The following ITPR1 variants were observed in gnomAD, a reference collection of about 807,000 sequenced individuals.
The protein encoded by ITPR1 is inositol 1,4,5-trisphosphate receptor type 1.
Under a neutral mutation model 318.4 loss-of-function variants are expected in ITPR1, and 96 were observed. The observed-to-expected ratio is 0.30, with a 90% CI of 0.26 to 0.36. The LOEUF is 0.36. Among genes scored for constraint, ITPR1 ranks in the 10% least tolerant of loss-of-function variants. The probability of loss-of-function intolerance (pLI) is 1.00; values close to 1 mark genes in which losing one functional copy is unlikely to be tolerated. For synonymous variants in ITPR1, 1,312 were observed against 1,289.9 expected (o/e 1.02, Z -0.37); for missense variants, 2,440 against 3,460.2 (o/e 0.71, Z 7.40).
intron 7 of ITPR1, 106 bp downstream of exon 7, chr3:4,642,357 T>A: frequency 1.2e-6 from 1 of 850,634 alleles, no homozygotes; most frequent in Non-Finnish European, 1.6e-6. Context: ...CAGAGGCTTG[T>A]CCTGTGTAAA....
chr3:4,673,364 T>A lies in ITPR1; in HGVS notation c.2433T>A (p.Ile811=), dbSNP rs145220403. ...AATATGCCCGCCTCTGGTCGGAGAT[T>A]CCCTCGGAGATCGCCATTGACGAGT... ...PVKYARLWSE[I]PSEIAIDDYD... Residue 811 remains isoleucine, a synonymous_variant, in exon 21 of 62, where the codon ATT becomes ATA. Coordinates refer to ENST00000649015, the MANE Select transcript of ITPR1 (RefSeq NM_001378452.1). 2.0e-3 allele frequency: 3,179 copies of A among 1,609,630 alleles called. 38 individuals carry two copies. In the African/African-American group the frequency reaches 0.029, roughly 14 times the overall value.
Position 4,824,378 on chromosome 3 carries a change from C to T in ITPR1, c.8028+6136C>T, listed in dbSNP as rs548398067. On this transcript the variant is annotated intron_variant, in intron 60 of 61. Transcript: ENST00000649015. ...ATGGGAACCTAAAGCTCAGGAAGGTCGAGCAACTTTTGCAGGGTCGCGGCG... is the reference window on the plus strand; with the variant it reads ...ATGGGAACCTAAAGCTCAGGAAGGTTGAGCAACTTTTGCAGGGTCGCGGCG... 5.9e-5 allele frequency among the ~76,000 whole-genome samples: 9 copies of T among 152,270 alleles called. No individual in the cohort carries two copies. In the South Asian group the frequency reaches 1.2e-3, roughly 21 times the overall value.
At chr3:4,529,867 G>C (rs962726856) in intron 4 of ITPR1, among the ~76,000 whole-genome samples, 3 of 152,098 alleles carry the variant, frequency 2.0e-5, no homozygotes, top group Middle Eastern at 3.2e-3. Context: ...AACCCCATAA[G>C]TAAGACCGGT....
rs1286199522 is a variant in ITPR1, at chr3:4,779,547, T to A, written c.6292-3T>A. On this transcript the variant is annotated splice_region_variant and splice_polypyrimidine_tract_variant and intron_variant, in intron 48 of 61. Transcript: ENST00000649015. The surrounding 1 kb of genome is among the most constrained non-coding windows in gnomAD (Gnocchi z 4.0). The stretch of plus-strand genomic sequence containing the variant: ...TTTCCTCTCCCTTTGTTTCTCCAAC[T>A]AGAACAATGCCTCGAAGTTGCTCCT... The A allele has an allele frequency of 6.2e-7, 1 of 1,609,904 alleles. No individual in the cohort carries two copies. Among genetic ancestry groups the A allele is most frequent in the East Asian group, 2.2e-5 (1 of 44,772 alleles).
chr3:4,508,250 G>A (rs954908249), intron 2 of ITPR1, among the ~76,000 whole-genome samples: 3 of 152,140 alleles, frequency 2.0e-5, no homozygotes, highest in Non-Finnish European at 4.4e-5. Context: ...TTGCCTTTGT[G>A]TCTTGGTAAA....
At chr3:4,701,687 T>C (rs757366228) in intron 35 of ITPR1, among the ~76,000 whole-genome samples, 6 of 152,240 alleles carry the variant, frequency 3.9e-5, no homozygotes, top group African/African-American at 1.2e-4. Context: ...ATAATTTCTT[T>C]TATCCTTGCT....
intron 4 of ITPR1, among the ~76,000 whole-genome samples, chr3:4,616,494 G>C (rs1321058242): frequency 1.3e-5 from 2 of 152,104 alleles, no homozygotes. Context: ...TCAAAAACAG[G>C]AAAAGATATG....
chr3:4,645,537 T>A (rs770767734), intron 9 of ITPR1, 45 bp from the exon 10 acceptor site: 6 of 1,608,368 alleles, frequency 3.7e-6, no homozygotes, highest in Non-Finnish European at 5.1e-6. Flanking sequence ...CTAATTCTCT[T>A]TTTAAATTCT....
chr3:4,711,374 A>T (rs565467751), intron 38 of ITPR1, among the ~76,000 whole-genome samples: 21 of 152,072 alleles, frequency 1.4e-4, no homozygotes, highest in Middle Eastern at 3.4e-3. Flanking sequence ...CATCATCCTC[A>T]TGAGTTGTTT....
At chr3:4,741,115 T>A (rs960616217) in intron 44 of ITPR1, among the ~76,000 whole-genome samples, 1 of 152,182 alleles carries the variant, frequency 6.6e-6, no homozygotes, top group Non-Finnish European at 1.5e-5. Flanking sequence ...TGGGGGAAGT[T>A]CCCTTCGCTT....
At chr3:4,829,441 T>TA (rs111767797) in intron 60 of ITPR1, among the ~76,000 whole-genome samples, 6,317 of 151,908 alleles carry the variant, frequency 0.042, 457 homozygotes, top group African/African-American at 0.14. Flanking sequence ...ATCCCATTTT[T>TA]AAAAAATTAA....
rs2043045043 is a variant in ITPR1 at position 4,733,165 on chromosome 3, C to G, written c.5298C>G (p.Thr1766=). ...CTTCGGGACGAAGAGAGAGCCTTAC[C>G]AGCTTTGGCAATGGCCCACTGTCAG... ...VRPSGRRESL[T]SFGNGPLSAG... is the part of the protein sequence containing the mutation. The change falls in exon 43 of 62, where the codon ACC becomes ACG. Residue 1766 remains threonine, a synonymous_variant. Transcript: ENST00000649015. The G allele has an allele frequency of 6.2e-7, 1 of 1,613,856 alleles. No homozygotes were observed. The highest frequency in any genetic ancestry group is 1.3e-5 in the African/African-American group (1 of 74,910).
chr3:4,757,059 A>G (rs2125356606), intron 44 of ITPR1, among the ~76,000 whole-genome samples: 1 of 152,350 alleles, frequency 6.6e-6, no homozygotes, highest in East Asian at 1.9e-4. Flanking sequence ...AACCCAGGGC[A>G]CAAATGAAGT....
chr3:4,644,059 C>G, intron 7 of ITPR1, 77 bp from the exon 8 acceptor site: 2 of 908,506 alleles, frequency 2.2e-6, no homozygotes, highest in Non-Finnish European at 3.6e-6. Context: ...ACTCATATGT[C>G]TTCTAGAACT....
intron 44 of ITPR1, among the ~76,000 whole-genome samples, chr3:4,747,261 C>T (rs567054786): frequency 2.0e-5 from 3 of 152,234 alleles, no homozygotes; most frequent in East Asian, 1.9e-4. Flanking sequence ...CTTCCTGGGG[C>T]GCCTATGTAG....
intron 47 of ITPR1, among the ~76,000 whole-genome samples, chr3:4,776,500 A>C (rs1374290201): frequency 6.6e-6 from 1 of 152,214 alleles, no homozygotes; most frequent in Non-Finnish European, 1.5e-5. Context: ...CAGGCCCTTC[A>C]TTCAGAGGAG....
intron 44 of ITPR1, chr3:4,751,242 C>G (rs2044490725): frequency 6.6e-6 from 1 of 152,554 alleles, no homozygotes; most frequent in East Asian, 1.9e-4. Flanking sequence ...GCTTGGGTAA[C>G]TCCTGTTACC....
At chr3:4,839,481 T>G (rs2051180500) in intron 61 of ITPR1, among the ~76,000 whole-genome samples, 1 of 151,898 alleles carries the variant, frequency 6.6e-6, no homozygotes, top group Non-Finnish European at 1.5e-5. Context: ...CAGTCAGGGG[T>G]GTGTGTGTGT....
At chr3:4,600,180 A>AT (rs1228840025) in intron 4 of ITPR1, among the ~76,000 whole-genome samples, 1 of 152,144 alleles carries the variant, frequency 6.6e-6, no homozygotes, top group East Asian at 1.9e-4. Context: ...TTTTTTAAAA[A>AT]TTTTACCTCT....
Sources: gnomAD v4.1 joint callset for allele counts (sites outside exome capture counted in the v4.1 genomes callset) on GRCh38, gnomAD v4.1.1 for gene constraint, Gnocchi (gnomAD v3.1) non-coding constraint, MANE v1.5 for transcripts, NCBI Gene and HGNC (gene_info 2026-07-23, HGNC 2026-07-21) for gene names.